Variants in C1orf94 observed in about 807,000 individuals in gnomAD.
C1orf94 encodes the protein uncharacterized protein C1orf94.
In C1orf94, 45 loss-of-function variants were observed where a neutral mutation model predicts 53.6. The ratio of observed to expected loss-of-function variants is 0.84; its 90% confidence interval spans 0.66 to 1.08. The LOEUF (loss-of-function observed/expected upper bound fraction) is 1.08, where lower values mean the gene tolerates loss of function less well. Among genes scored for constraint, C1orf94 ranks in the 50% least tolerant of loss-of-function variants. The pLI is 0.00. For synonymous variants in C1orf94, 304 were observed against 296.1 expected, an observed-to-expected ratio of 1.03 and a Z score of -0.27; for missense variants, 762 against 738.9, an observed-to-expected ratio of 1.03 and a Z score of -0.36.
intron 4 of C1orf94, among the ~76,000 whole-genome samples, chr1:34,204,404 G>A (rs1295243621): frequency 1.3e-5 from 2 of 152,156 alleles, no homozygotes; most frequent in Admixed American, 1.3e-4. Context: ...CCCCATTGTG[G>A]AGGTGAGAGG....
chr1:34,196,306 T>A (rs1613123), intron 1 of C1orf94, among the ~76,000 whole-genome samples: 1 of 151,940 alleles, frequency 6.6e-6, no homozygotes, highest in Non-Finnish European at 1.5e-5. Flanking sequence ...GACCAGCAAG[T>A]GTGCAGCGGA....
chr1:34,177,851 G>A lies in C1orf94; in HGVS notation c.62G>A (p.Arg21Lys). The change falls in exon 1 of 7, where the codon AGG becomes AAG. Residue 21 changes from arginine to lysine, a missense_variant. By Grantham distance (26) the Arg-to-Lys change is conservative (BLOSUM62 2). Coordinates refer to ENST00000488417, the MANE Select transcript of C1orf94 (RefSeq NM_001134734.2). ...LGGQRGFQKE[R>K]RRMASGNGLP... ...GGACAGAGGGGCTTCCAGAAAGAGA[G>A]GAGGAGGATGGCCAGCGGGAATGGG... The A allele has an allele frequency of 6.4e-7, 1 of 1,550,860 alleles. No individual in the cohort carries two copies. Among genetic ancestry groups the A allele is most frequent in the Non-Finnish European group, 8.7e-7 (1 of 1,146,502 alleles).
chr1:34,203,809 GC>G (rs1571347183), intron 4 of C1orf94, among the ~76,000 whole-genome samples: 2 of 152,222 alleles, frequency 1.3e-5, no homozygotes, highest in African/African-American at 4.8e-5. Context: ...TCCCTTAAGA[GC>G]TGCCGCCCAC....
chr1:34,197,945 C>A lies in C1orf94; in HGVS notation c.1009+32C>A. 1 of 1,572,616 alleles carries A rather than the reference C, an allele frequency of 6.4e-7. No homozygotes were observed. Among genetic ancestry groups the A allele is most frequent in the South Asian group, 1.2e-5 (1 of 83,514 alleles). On this transcript the variant is annotated intron_variant, in intron 2 of 6. Transcript: ENST00000488417. This position sits in a 1 kb window ranked among gnomAD's most constrained non-coding sequence, Gnocchi z 4.1. ...GGGGTTGGAACTGGGGTAGAGTGGG[C>A]CTGCAAGGAGGAGGTCCTTCCCAGG...
At chr1:34,205,592 G>A (rs1158788337) in intron 4 of C1orf94, among the ~76,000 whole-genome samples, 1 of 152,116 alleles carries the variant, frequency 6.6e-6, no homozygotes, top group Non-Finnish European at 1.5e-5. Flanking sequence ...TCCATGGAAG[G>A]GTAAAGACTC....
At chr1:34,190,484 G>A (rs1642464591) in intron 1 of C1orf94, among the ~76,000 whole-genome samples, 1 of 152,106 alleles carries the variant, frequency 6.6e-6, no homozygotes, top group Admixed American at 6.6e-5. Flanking sequence ...CATGGTCTTT[G>A]CACATGCTGT....
rs1337298986 is a variant in C1orf94 at position 34,177,645 on chromosome 1, C to T, written c.-145C>T. The T allele has an allele frequency of 2.2e-5, 15 of 671,376 alleles. No individual in the cohort carries two copies. Among genetic ancestry groups the T allele is most frequent in the African/African-American group, 3.6e-5 (2 of 55,174 alleles). 41.6% of individuals were successfully genotyped at this position (671,376 alleles called of 1,614,324 possible). A position where few individuals can be genotyped will look rare whatever the true frequency, so the allele number is the denominator to read the frequency against. On this transcript the variant is annotated 5_prime_UTR_variant, in exon 1 of 7. Transcript: ENST00000488417. ...AAATAAAAACAAATCAAAATAAGCC[C>T]TCCCCTCCCCAAAAGAAAGCTGTCC...
chr1:34,215,803 C>T (rs60426373), intron 6 of C1orf94, among the ~76,000 whole-genome samples: 65,736 of 151,904 alleles, frequency 0.43, 15,596 homozygotes, highest in Admixed American at 0.55. Flanking sequence ...GTCAGGAGTT[C>T]GAGACCAGCC....
At chr1:34,199,804 C>A (rs572383991) in intron 2 of C1orf94, among the ~76,000 whole-genome samples, 2,354 of 152,356 alleles carry the variant, frequency 0.015, 26 homozygotes, top group Non-Finnish European at 0.025. Context: ...CTAGCCATAT[C>A]CAGTGACTCA....
intron 2 of C1orf94, among the ~76,000 whole-genome samples, chr1:34,198,178 A>G (rs1336630030): frequency 2.0e-5 from 3 of 152,252 alleles, no homozygotes; most frequent in Non-Finnish European, 4.4e-5. Context: ...AATAGGCGCC[A>G]TGTAGTAATT....
At chr1:34,171,942 G>A (rs1642151460), upstream of C1orf94, among the ~76,000 whole-genome samples, 1 of 152,220 alleles carries the variant, frequency 6.6e-6, no homozygotes, top group African/African-American at 2.4e-5. Flanking sequence ...TTTCCTTAGA[G>A]TCAGTTCTTC....
chr1:34,177,737 G>A lies in C1orf94; in HGVS notation c.-53G>A, dbSNP rs1267984642. ...AACCACCTTGCTGGAGCGAAAGCCAGACAGAACTGACCCACTTCTGCCAAG... is the reference window on the plus strand; with the variant it reads ...AACCACCTTGCTGGAGCGAAAGCCAAACAGAACTGACCCACTTCTGCCAAG... On this transcript the variant is annotated 5_prime_UTR_variant, in exon 1 of 7. Coordinates refer to ENST00000488417, the MANE Select transcript of C1orf94 (RefSeq NM_001134734.2). 38 of 1,467,002 alleles carry A rather than the reference G, an allele frequency of 2.6e-5. No homozygotes were observed. The highest frequency in any genetic ancestry group is 4.2e-5 in the African/African-American group (3 of 70,624). The allele number at this position is 1,467,002 out of a possible 1,614,324, so 90.9% of individuals were successfully genotyped here. A position where few individuals can be genotyped will look rare whatever the true frequency, so the allele number is the denominator to read the frequency against.
chr1:34,185,694 C>A (rs150070933), intron 1 of C1orf94, among the ~76,000 whole-genome samples: 11 of 152,336 alleles, frequency 7.2e-5, no homozygotes, highest in Admixed American at 1.3e-4. Flanking sequence ...CACCACATCT[C>A]TTCTCACTGC....
chr1:34,207,348 G>A (rs1188926076), intron 4 of C1orf94, among the ~76,000 whole-genome samples: 2 of 152,094 alleles, frequency 1.3e-5, no homozygotes, highest in Non-Finnish European at 2.9e-5. Flanking sequence ...AGACAGAATT[G>A]TGAGTAAAAT....
chr1:34,178,249 C>A, intron 1 of C1orf94, 140 bp downstream of exon 1: 1 of 938,932 alleles, frequency 1.1e-6, no homozygotes. Flanking sequence ...GTCCTTTGTC[C>A]AAGCTTTATA....
chr1:34,195,284 C>A (rs897171827), intron 1 of C1orf94, among the ~76,000 whole-genome samples: 1 of 152,162 alleles, frequency 6.6e-6, no homozygotes, highest in Non-Finnish European at 1.5e-5. Flanking sequence ...GTACCAGTGA[C>A]CTCGCCCAAT....
At position 34,200,763 on chromosome 1, in the gene C1orf94, CT is replaced by C; in HGVS notation, c.1010-8del. 6.2e-7 allele frequency: 1 copy of C among 1,613,892 alleles called. No homozygotes were observed. The highest frequency in any genetic ancestry group is 8.5e-7 in the Non-Finnish European group (1 of 1,179,884). On this transcript the variant is annotated splice_polypyrimidine_tract_variant and splice_region_variant and intron_variant, in intron 2 of 6. Transcript: ENST00000488417. ...CAGAGGCATTGACTCAGTTTCTTTCCTGCTACAGAATGGAGCCCTGGCACCA... is the reference window on the plus strand; with the variant it reads ...CAGAGGCATTGACTCAGTTTCTTTCCGCTACAGAATGGAGCCCTGGCACCA...
chr1:34,212,066 A>G (rs1352559770), intron 5 of C1orf94, 144 bp from the exon 6 acceptor site: 3 of 670,072 alleles, frequency 4.5e-6, no homozygotes, highest in South Asian at 2.7e-5. Context: ...GTTGAGCCCT[A>G]GGCTTTCTCC....
rs143689754 is a variant in C1orf94, at chr1:34,215,333, G to C, written c.1721+2927G>C. On this transcript the variant is annotated intron_variant, in intron 6 of 6. Coordinates refer to ENST00000488417, the MANE Select transcript of C1orf94 (RefSeq NM_001134734.2). ...GAGGTAGCCAGGGCCAGACTAGACA[G>C]GGCCTGGTAGGCATGGCTAGAAGTC... Among the ~76,000 whole-genome samples the C allele has an allele frequency of 1.3e-3, 193 of 152,378 alleles. 1 individual carries two copies. The highest frequency in any genetic ancestry group is 4.1e-3 in the African/African-American group (170 of 41,598).
Sources: allele counts gnomAD v4.1 joint callset (sites outside exome capture counted in the v4.1 genomes callset), GRCh38; gene constraint gnomAD v4.1.1; non-coding constraint Gnocchi (gnomAD v3.1); transcripts MANE v1.5; gene names NCBI Gene and HGNC (gene_info 2026-07-23, HGNC 2026-07-21).